Variants in GRIP1 observed in about 807,000 individuals in gnomAD.
GRIP1 encodes the protein glutamate receptor interacting protein 1, also known as glutamate receptor-interacting protein 1.
Under a neutral mutation model 129.9 loss-of-function variants are expected in GRIP1, and 45 were observed. The ratio of observed to expected loss-of-function variants is 0.35; its 90% CI spans 0.27 to 0.44. GRIP1 has a LOEUF of 0.44. Among genes scored for constraint, GRIP1 ranks in the 20% least tolerant of loss-of-function variants. GRIP1 has a pLI of 1.00. For missense variants in GRIP1, 1,196 were observed against 1,396.8 expected (o/e 0.86, Z 2.29); for synonymous variants, 530 against 520.8 (o/e 1.02, Z -0.24).
chr12:66,491,185 T>G (rs1169402310), intron 7 of GRIP1, among the ~76,000 whole-genome samples: 1 of 152,188 alleles, frequency 6.6e-6, no homozygotes, highest in African/African-American at 2.4e-5. Context: ...GCAGCACTAT[T>G]CACAATAGCA....
intron 1 of GRIP1, among the ~76,000 whole-genome samples, chr12:66,767,570 A>AC (rs1566011937): frequency 1.3e-5 from 1 of 74,678 alleles, no homozygotes; most frequent in African/African-American, 4.0e-5. Context: ...CTGTCTCTGT[A>AC]TTAAAAAAAA....
chr12:66,862,776 T>C lies in GRIP1; in HGVS notation c.58+206274A>G, dbSNP rs560341181. Among the ~76,000 whole-genome samples the C allele has an allele frequency of 1.5e-3, 222 of 152,170 alleles. 2 individuals carry two copies. The highest frequency in any genetic ancestry group is 4.7e-3 in the African/African-American group (197 of 41,550). On this transcript the variant is annotated intron_variant, in intron 1 of 1. Transcript: ENST00000643019. ...TATAAATTTCCATGCCTAAGGGCCCTGCTGTACTGGCAGAGAGAATGCAGT... is the reference window on the plus strand; with the variant it reads ...TATAAATTTCCATGCCTAAGGGCCCCGCTGTACTGGCAGAGAGAATGCAGT...
intron 1 of GRIP1, among the ~76,000 whole-genome samples, chr12:66,601,233 A>T (rs555101600): frequency 6.6e-6 from 1 of 152,170 alleles, no homozygotes; most frequent in Non-Finnish European, 1.5e-5. Context: ...ATTTGTTTTG[A>T]TCACATGAAG....
At chr12:66,597,572 T>C (rs2064104925) in intron 1 of GRIP1, among the ~76,000 whole-genome samples, 1 of 152,134 alleles carries the variant, frequency 6.6e-6, no homozygotes, top group African/African-American at 2.4e-5. Context: ...TATATTGCAA[T>C]GAGCTGGTTT....
At chr12:67,068,329 CT>C (rs1464644273) in intron 1 of GRIP1, among the ~76,000 whole-genome samples, 7 of 152,186 alleles carry the variant, frequency 4.6e-5, no homozygotes, top group Non-Finnish European at 1.0e-4. Context: ...AGAGAGCCGC[CT>C]TTTGCAAAGA....
intron 7 of GRIP1, 79 bp downstream of exon 7, chr12:66,515,540 C>T: frequency 3.1e-6 from 4 of 1,301,560 alleles, no homozygotes; most frequent in Non-Finnish European, 3.3e-6. Flanking sequence ...ACAATACATA[C>T]TTAATCCAAC....
At chr12:66,848,211 T>C (rs1331350348) in intron 1 of GRIP1, among the ~76,000 whole-genome samples, 1 of 151,980 alleles carries the variant, frequency 6.6e-6, no homozygotes, top group Non-Finnish European at 1.5e-5. Context: ...TCTTCCCTCC[T>C]TCCCTTTCTT....
intron 2 of GRIP1, chr12:66,569,306 G>A (rs190323325): frequency 6.4e-4 from 103 of 159,708 alleles, no homozygotes; most frequent in Middle Eastern, 3.0e-3. Context: ...GTGAAATCCC[G>A]TCTCTGCTAA....
chr12:66,577,618 A>T (rs7135606), intron 2 of GRIP1, among the ~76,000 whole-genome samples: 1 of 151,992 alleles, frequency 6.6e-6, no homozygotes, highest in Non-Finnish European at 1.5e-5. Flanking sequence ...TGCTATGAAC[A>T]CTACTGGGCA....
At chr12:66,914,327 T>A (rs1167876982) in intron 1 of GRIP1, among the ~76,000 whole-genome samples, 1 of 152,228 alleles carries the variant, frequency 6.6e-6, no homozygotes, top group East Asian at 1.9e-4. Context: ...ATAAATACTC[T>A]TCATTTGGGC....
chr12:66,658,289 T>C (rs2033287531), intron 1 of GRIP1, among the ~76,000 whole-genome samples: 1 of 152,178 alleles, frequency 6.6e-6, no homozygotes, highest in African/African-American at 2.4e-5. Flanking sequence ...AACCGTAGGT[T>C]TGGGATGAGG....
chr12:66,716,739 C>T (rs567704793), intron 1 of GRIP1, among the ~76,000 whole-genome samples: 81 of 152,014 alleles, frequency 5.3e-4, no homozygotes, highest in Middle Eastern at 3.4e-3. Context: ...GGTGTGTCAC[C>T]ACAGGTGGGA....
chr12:66,575,038 T>C (rs549245605), intron 2 of GRIP1, among the ~76,000 whole-genome samples: 2 of 152,158 alleles, frequency 1.3e-5, no homozygotes, highest in East Asian at 1.9e-4. Flanking sequence ...TCCGAAAGTA[T>C]TGGGATTACA....
At chr12:66,414,932 T>TATAAA (rs56917803) in intron 15 of GRIP1, among the ~76,000 whole-genome samples, 23,018 of 121,670 alleles carry the variant, frequency 0.19, 2,675 homozygotes, top group South Asian at 0.22. Context: ...TTACACCTTA[T>TATAAA]ATAAAATAAA....
intron 5 of GRIP1, among the ~76,000 whole-genome samples, chr12:66,526,789 G>C (rs1250955883): frequency 6.6e-6 from 1 of 151,950 alleles, no homozygotes; most frequent in Non-Finnish European, 1.5e-5. Flanking sequence ...ATCTGACAAA[G>C]AGCTAATATC....
At chr12:66,393,960 G>C (rs2056693184) in intron 17 of GRIP1, among the ~76,000 whole-genome samples, 1 of 152,106 alleles carries the variant, frequency 6.6e-6, no homozygotes, top group African/African-American at 2.4e-5. Flanking sequence ...AGTCAATTGT[G>C]GTCAGCTTAT....
chr12:66,942,533 T>C (rs967356251), intron 1 of GRIP1, among the ~76,000 whole-genome samples: 12 of 152,228 alleles, frequency 7.9e-5, no homozygotes, highest in Non-Finnish European at 1.6e-4. Context: ...AAATAGTCTG[T>C]GGGTGTGATA....
At chr12:66,925,303 G>A (rs1408962491) in intron 1 of GRIP1, among the ~76,000 whole-genome samples, 1 of 152,170 alleles carries the variant, frequency 6.6e-6, no homozygotes, top group Non-Finnish European at 1.5e-5. Flanking sequence ...CAGGCAGACT[G>A]CAAAGCAGCA....
intron 1 of GRIP1, among the ~76,000 whole-genome samples, chr12:66,887,484 A>G (rs1260769353): frequency 6.6e-6 from 1 of 152,182 alleles, no homozygotes; most frequent in Non-Finnish European, 1.5e-5. Flanking sequence ...GGAGCCTATT[A>G]ATGTTAGTAC....
Sources: gnomAD v4.1 joint callset for allele counts (sites outside exome capture counted in the v4.1 genomes callset) on GRCh38, gnomAD v4.1.1 for gene constraint, MANE v1.5 for transcripts, NCBI Gene and HGNC (gene_info 2026-07-23, HGNC 2026-07-21) for gene names.